NF1: variants seen among roughly 807,000 people sequenced by gnomAD.
The protein encoded by NF1 is neurofibromin.
Under a neutral mutation model 325.7 loss-of-function variants are expected in NF1, and 122 were observed. The observed-to-expected ratio is 0.37, with a 90% CI of 0.32 to 0.44. The LOEUF (loss-of-function observed/expected upper bound fraction) is 0.44, where lower values mean the gene tolerates loss of function less well. Ranked by LOEUF, NF1 falls within the 20% of genes least tolerant of loss-of-function variation. NF1 has a pLI of 1.00. For synonymous variants in NF1, 1,091 were observed against 1,186.0 expected, an observed-to-expected ratio of 0.92 and a Z score of 1.65; for missense variants, 2,140 against 3,415.4, an observed-to-expected ratio of 0.63 and a Z score of 9.31.
chr17:31,131,082 C>T (rs912677833), intron 1 of NF1, among the ~76,000 whole-genome samples: 1 of 152,208 alleles, frequency 6.6e-6, no homozygotes, highest in East Asian at 1.9e-4. Context: ...ATGGGCAAGA[C>T]TGCCCTGCAG....
chr17:31,250,567 T>C (rs1176134884), intron 30 of NF1: 4 of 199,520 alleles, frequency 2.0e-5, no homozygotes, highest in Non-Finnish European at 4.1e-5. Context: ...CATGTGGTTG[T>C]CATCCTAAAA....
chr17:31,096,458 C>A (rs1911730492), intron 1 of NF1, among the ~76,000 whole-genome samples: 1 of 152,180 alleles, frequency 6.6e-6, no homozygotes, highest in Admixed American at 6.5e-5. Context: ...TAAATGCACA[C>A]ATAGCCTTTT....
chr17:31,176,510 A>G (rs1027880705), intron 5 of NF1, among the ~76,000 whole-genome samples: 6 of 152,094 alleles, frequency 3.9e-5, no homozygotes, highest in Admixed American at 2.0e-4. Flanking sequence ...TCTTTAGTTT[A>G]ATTAGATCCC....
At chr17:31,263,927 T>C (rs1313689322) in intron 35 of NF1, among the ~76,000 whole-genome samples, 1 of 152,196 alleles carries the variant, frequency 6.6e-6, no homozygotes, top group Non-Finnish European at 1.5e-5. Flanking sequence ...AGTCTCCCAG[T>C]CATTTATCTA....
intron 39 of NF1, 97 bp downstream of exon 39, chr17:31,330,595 T>G (rs2069458097): frequency 1.1e-6 from 1 of 938,968 alleles, no homozygotes; most frequent in Non-Finnish European, 1.6e-6. Flanking sequence ...GACTTTCACT[T>G]ACATTTTTAC....
intron 29 of NF1, among the ~76,000 whole-genome samples, chr17:31,245,512 A>G (rs1156362395): frequency 6.6e-6 from 1 of 152,242 alleles, no homozygotes; most frequent in Non-Finnish European, 1.5e-5. Flanking sequence ...CCAGGTTGTT[A>G]CCTGTGCTTC....
intron 1 of NF1, among the ~76,000 whole-genome samples, chr17:31,154,053 ATTTTTTTTTTTTTTT>A (rs67332557): frequency 7.6e-5 from 4 of 52,714 alleles, no homozygotes; most frequent in African/African-American, 3.0e-4. Context: ...AGTTTCTTTG[ATTTTTTTTTTTTTTT>A]TTTTTTTTTT....
Position 31,377,508 on chromosome 17 carries a change from T to C in NF1, c.*3353T>C, listed in dbSNP as rs1348059243. The C allele has an allele frequency of 4.3e-6, 1 of 232,904 alleles. No homozygotes were observed. Among genetic ancestry groups the C allele is most frequent in the Admixed American group, 5.6e-5 (1 of 17,760 alleles). 14.4% of individuals were successfully genotyped at this position (232,904 alleles called of 1,614,324 possible). On this transcript the variant is annotated 3_prime_UTR_variant, in exon 58 of 58. Transcript: ENST00000358273. ...ACCTTGTTAATACTGTAAACAGTTG[T>C]ACGCCAGCAGGAAAAATACTGCCCA...
At chr17:31,130,135 T>C (rs1040381161) in intron 1 of NF1, among the ~76,000 whole-genome samples, 1 of 148,382 alleles carries the variant, frequency 6.7e-6, no homozygotes, top group African/African-American at 2.5e-5. Flanking sequence ...TGGTACAAGG[T>C]AGGTTCAGTT....
intron 36 of NF1, among the ~76,000 whole-genome samples, chr17:31,293,314 G>A (rs1405863435): frequency 6.6e-6 from 1 of 151,684 alleles, no homozygotes; most frequent in Non-Finnish European, 1.5e-5. Flanking sequence ...TATCATGGAT[G>A]GTGAAGGTAC....
intron 36 of NF1, among the ~76,000 whole-genome samples, chr17:31,311,345 C>T (rs1354381290): frequency 6.6e-6 from 1 of 151,886 alleles, no homozygotes; most frequent in Non-Finnish European, 1.5e-5. Context: ...AGGAAGTATG[C>T]CATTATCTTT....
intron 5 of NF1, among the ~76,000 whole-genome samples, chr17:31,179,845 G>C (rs2066094002): frequency 1.3e-5 from 2 of 150,276 alleles, no homozygotes; most frequent in African/African-American, 2.4e-5. Flanking sequence ...AAAATAAATA[G>C]ACCACTAGCC....
chr17:31,296,221 C>T, intron 36 of NF1: 2 of 1,614,096 alleles, frequency 1.2e-6, no homozygotes, highest in Non-Finnish European at 1.7e-6. Flanking sequence ...AGTCCACATG[C>T]CTGTGCCTCT....
chr17:31,223,388 A>T (rs2066960192), intron 15 of NF1, 56 bp from the exon 16 acceptor site: 1 of 1,595,202 alleles, frequency 6.3e-7, no homozygotes, highest in African/African-American at 1.3e-5. Flanking sequence ...ATGTCTGGTT[A>T]TATCTGCATT....
At chr17:31,110,376 A>C (rs1913293965) in intron 1 of NF1, among the ~76,000 whole-genome samples, 1 of 152,190 alleles carries the variant, frequency 6.6e-6, no homozygotes, top group Non-Finnish European at 1.5e-5. Flanking sequence ...ACACACACTG[A>C]AGGAAAAGGA....
intron 1 of NF1, among the ~76,000 whole-genome samples, chr17:31,134,340 T>C (rs1915605304): frequency 6.6e-6 from 1 of 152,244 alleles, no homozygotes. Flanking sequence ...TTCCATATAA[T>C]GTTTTCAATT....
rs2151559243 is a variant in NF1, at chr17:31,338,751, T to C, written c.6867T>C (p.Val2289=). Reference sequence around the variant, plus strand: ...GACCTGACACTTACAACAGTCAAGTTCTGATAGAAGCTACAGTAATAGCAC... The same window carrying C: ...GACCTGACACTTACAACAGTCAAGTCCTGATAGAAGCTACAGTAATAGCAC... ...LKGPDTYNSQ[V]LIEATVIALT... is the part of the protein sequence containing the mutation. Residue 2289 remains valine, a synonymous_variant, in exon 46 of 58, where the codon GTT becomes GTC. Coordinates refer to ENST00000358273, the MANE Select transcript of NF1 (RefSeq NM_001042492.3). 1 of 1,613,446 alleles carries C rather than the reference T, an allele frequency of 6.2e-7. No individual in the cohort carries two copies. The highest frequency in any genetic ancestry group is 8.5e-7 in the Non-Finnish European group (1 of 1,179,560).
rs2066518379 is a variant in NF1, at chr17:31,201,032, T to A, written c.1063-5T>A. 6.2e-7 allele frequency: 1 copy of A among 1,613,106 alleles called. No homozygotes were observed. Among genetic ancestry groups the A allele is most frequent in the Non-Finnish European group, 8.5e-7 (1 of 1,179,916 alleles). The stretch of plus-strand genomic sequence containing the variant: ...GGCTTTTGTTTTCTGTTGGGGTTTT[T>A]ATAGAACCTGCTTTTTAATCCAAGT... On this transcript the variant is annotated splice_region_variant and splice_polypyrimidine_tract_variant and intron_variant, in intron 9 of 57. Coordinates refer to ENST00000358273, the MANE Select transcript of NF1 (RefSeq NM_001042492.3).
chr17:31,329,033 G>C (rs1193316049), intron 38 of NF1, among the ~76,000 whole-genome samples: 1 of 152,042 alleles, frequency 6.6e-6, no homozygotes, highest in Non-Finnish European at 1.5e-5. Flanking sequence ...CTGAGCACTG[G>C]CACTGTAGTC....
Sources: allele counts gnomAD v4.1 joint callset (sites outside exome capture counted in the v4.1 genomes callset), GRCh38; gene constraint gnomAD v4.1.1; transcripts MANE v1.5; gene names NCBI Gene and HGNC (gene_info 2026-07-23, HGNC 2026-07-21).